EYA3: variants seen among roughly 807,000 people sequenced by gnomAD.
EYA3 encodes the protein protein phosphatase EYA3.
Under a neutral mutation model 80.0 loss-of-function variants are expected in EYA3, and 39 were observed. The observed-to-expected ratio is 0.49, with a 90% confidence interval of 0.38 to 0.64. EYA3 has a LOEUF of 0.64. Among genes scored for constraint, EYA3 ranks in the 30% least tolerant of loss-of-function variants. EYA3 has a pLI of 0.00. For synonymous variants in EYA3, 206 were observed against 232.8 expected, an observed-to-expected ratio of 0.88 and a Z score of 1.05; for missense variants, 523 against 676.1, an observed-to-expected ratio of 0.77 and a Z score of 2.51.
In EYA3 at chr1:27,983,750, C is replaced by T. The variant is rs72656558; in HGVS notation, c.1540+4785G>A. Among the ~76,000 whole-genome samples the T allele has an allele frequency of 9.2e-3, 1,404 of 152,214 alleles. 10 individuals are homozygous for T. Among genetic ancestry groups the T allele is most frequent in the African/African-American group, 0.017 (702 of 41,540 alleles). On this transcript the variant is annotated intron_variant, in intron 16 of 17. Transcript: ENST00000373871. ...GGCTTACTGCAACCTCTGCCTCCCCCACTCAAGCGATTCTCCTGCCTCAGT... is the reference window on the plus strand; with the variant it reads ...GGCTTACTGCAACCTCTGCCTCCCCTACTCAAGCGATTCTCCTGCCTCAGT...
chr1:28,061,228 C>T (rs1023035854), intron 1 of EYA3, among the ~76,000 whole-genome samples: 3 of 152,078 alleles, frequency 2.0e-5, no homozygotes, highest in Non-Finnish European at 2.9e-5. Flanking sequence ...GCACTAATGA[C>T]CACAAATTAT....
intron 13 of EYA3, 110 bp downstream of exon 13, chr1:27,997,210 G>T: frequency 1.0e-6 from 1 of 981,722 alleles, no homozygotes; most frequent in South Asian, 1.4e-5. Context: ...AACAGGTTGT[G>T]AGCTCTTTCA....
chr1:28,005,820 C>T (rs2148772785), intron 10 of EYA3, among the ~76,000 whole-genome samples: 1 of 152,142 alleles, frequency 6.6e-6, no homozygotes, highest in Non-Finnish European at 1.5e-5. Context: ...AATTAAACAT[C>T]ATGGCCGGGC....
intron 5 of EYA3, among the ~76,000 whole-genome samples, chr1:28,037,645 T>C (rs546355): frequency 0.35 from 53,160 of 152,096 alleles, 9,561 homozygotes; most frequent in East Asian, 0.5. Context: ...TAGGTTCAGT[T>C]ATTTCACAGA....
At chr1:28,014,727 C>CA (rs60346277) in intron 8 of EYA3, among the ~76,000 whole-genome samples, 36,315 of 132,314 alleles carry the variant, frequency 0.27, 4,362 homozygotes, top group Non-Finnish European at 0.3. Flanking sequence ...GACTCTGTCT[C>CA]AAAAAAAAAA....
Position 27,972,126 on chromosome 1 carries a change from G to A in EYA3, c.*2340C>T, listed in dbSNP as rs1487738059. ...TGTGTGTGCTTGCGTGCATGGTGGGGGTACCACTCCGCAGCCTCACAAACC... is the reference window on the plus strand; with the variant it reads ...TGTGTGTGCTTGCGTGCATGGTGGGAGTACCACTCCGCAGCCTCACAAACC... On this transcript the variant is annotated 3_prime_UTR_variant, in exon 18 of 18. Coordinates refer to ENST00000373871, the MANE Select transcript of EYA3 (RefSeq NM_001990.4). The A allele has an allele frequency of 1.3e-5, 2 of 152,202 alleles. No homozygotes were observed. 9.4% of individuals were successfully genotyped at this position (152,202 alleles called of 1,614,324 possible). A position where few individuals can be genotyped will look rare whatever the true frequency, so the allele number is the denominator to read the frequency against.
intron 1 of EYA3, among the ~76,000 whole-genome samples, chr1:28,065,509 C>T (rs543732158): frequency 2.0e-4 from 31 of 151,872 alleles, no homozygotes; most frequent in Non-Finnish European, 4.1e-4. Context: ...GATCCGCCCG[C>T]CTCGGCCTCC....
At chr1:27,992,896 T>C (rs1325821979) in intron 14 of EYA3, among the ~76,000 whole-genome samples, 1 of 152,214 alleles carries the variant, frequency 6.6e-6, no homozygotes, top group East Asian at 1.9e-4. Context: ...ATTTTAGGCT[T>C]AGTGGCATCT....
At chr1:27,983,598 A>G (rs1002491917) in intron 16 of EYA3, among the ~76,000 whole-genome samples, 7 of 152,082 alleles carry the variant, frequency 4.6e-5, no homozygotes, top group Non-Finnish European at 1.0e-4. Flanking sequence ...GTTTTTGCCT[A>G]TTTTTCTATA....
chr1:27,989,524 G>A (rs1357670862), intron 15 of EYA3, among the ~76,000 whole-genome samples, 173 bp downstream of exon 15: 1 of 152,198 alleles, frequency 6.6e-6, no homozygotes, highest in African/African-American at 2.4e-5. Context: ...ACTAGAAGTT[G>A]TGCTGTTAAC....
At chr1:28,087,232 A>G (rs570331625) in intron 1 of EYA3, among the ~76,000 whole-genome samples, 1 of 152,328 alleles carries the variant, frequency 6.6e-6, no homozygotes, top group African/African-American at 2.4e-5. Context: ...CCATTATTAA[A>G]TGCAATTCCT....
At chr1:28,052,130 TC>T (rs1285285747) in intron 2 of EYA3, among the ~76,000 whole-genome samples, 3 of 152,140 alleles carry the variant, frequency 2.0e-5, no homozygotes, top group Non-Finnish European at 4.4e-5. Flanking sequence ...CGCCTTGGCC[TC>T]CCGAGTAGCT....
At chr1:28,048,151 G>C (rs1644097728) in intron 3 of EYA3, among the ~76,000 whole-genome samples, 1 of 151,922 alleles carries the variant, frequency 6.6e-6, no homozygotes, top group African/African-American at 2.4e-5. Context: ...ACATGAGTTT[G>C]GTACATATTG....
At chr1:28,039,765 G>C (rs1643673509) in intron 4 of EYA3, among the ~76,000 whole-genome samples, 1 of 152,150 alleles carries the variant, frequency 6.6e-6, no homozygotes, top group Non-Finnish European at 1.5e-5. Flanking sequence ...ATCAACACCT[G>C]TGAGTTTATT....
chr1:28,053,651 T>C (rs183152416), intron 2 of EYA3, among the ~76,000 whole-genome samples: 5 of 152,358 alleles, frequency 3.3e-5, no homozygotes, highest in Non-Finnish European at 7.3e-5. Flanking sequence ...ACAAGGATGC[T>C]GGCTGAATAA....
rs1346219718 is a variant in EYA3, at chr1:27,989,815, T to C, written c.1304-4A>G. ...TTCCTCTGGGGACTGAGGAGACCTTTAGGAATAAAAGCAGACACATTTATC... is the reference window on the plus strand; with the variant it reads ...TTCCTCTGGGGACTGAGGAGACCTTCAGGAATAAAAGCAGACACATTTATC... On this transcript the variant is annotated splice_region_variant and splice_polypyrimidine_tract_variant and intron_variant, in intron 14 of 17. Coordinates refer to ENST00000373871, the MANE Select transcript of EYA3 (RefSeq NM_001990.4). 2 of 1,571,346 alleles carry C rather than the reference T, an allele frequency of 1.3e-6. No homozygotes were observed. Among genetic ancestry groups the C allele is most frequent in the East Asian group, 4.5e-5 (2 of 44,182 alleles).
In EYA3 at chr1:28,009,255, A is replaced by T. The variant is rs1641516026; in HGVS notation, c.909+1692T>A. ...TGACAAACCCCAAGTGTCCATCAACAGATGAATGGATAAACAAAATGTGGT... is the reference window on the plus strand; with the variant it reads ...TGACAAACCCCAAGTGTCCATCAACTGATGAATGGATAAACAAAATGTGGT... On this transcript the variant is annotated intron_variant, in intron 10 of 17. Transcript: ENST00000373871. This position sits in a 1 kb window ranked among gnomAD's most constrained non-coding sequence, Gnocchi z 4.8. Among the ~76,000 whole-genome samples, 2 of 152,254 alleles carry T rather than the reference A, an allele frequency of 1.3e-5. No homozygotes were observed. Among genetic ancestry groups the T allele is most frequent in the South Asian group, 4.1e-4 (2 of 4,832 alleles).
At chr1:28,031,319 A>G (rs1460229900) in intron 6 of EYA3, among the ~76,000 whole-genome samples, 2 of 152,220 alleles carry the variant, frequency 1.3e-5, no homozygotes, top group East Asian at 3.8e-4. Flanking sequence ...GCATGATCCA[A>G]TGGTTTGACT....
At position 27,977,049 on chromosome 1, in the gene EYA3, AG is replaced by A. The variant is rs1427147359; in HGVS notation, c.1641+1324del. The A allele has an allele frequency of 9.1e-6, 9 of 985,198 alleles. No homozygotes were observed. In the Admixed American group the frequency reaches 5.5e-4, roughly 61 times the overall value. The allele number at this position is 985,198 out of a possible 1,614,324, so 61.0% of individuals were successfully genotyped here. On this transcript the variant is annotated intron_variant, in intron 17 of 17. Transcript: ENST00000373871. ...GATGTATTCTGTTGTAGATGATTAA[AG>A]ACATTAGCTCAGAGTTACCAACTCT...
Sources: allele counts gnomAD v4.1 joint callset (sites outside exome capture counted in the v4.1 genomes callset), GRCh38; gene constraint gnomAD v4.1.1; non-coding constraint Gnocchi (gnomAD v3.1); transcripts MANE v1.5; gene names NCBI Gene and HGNC (gene_info 2026-07-23, HGNC 2026-07-21).